EYS: variants seen among roughly 807,000 people sequenced by gnomAD.
EYS encodes EGF-like photoreceptor maintenance factor, also known as protein eyes shut homolog.
EYS carries 250 observed loss-of-function variants against 282.1 expected under a neutral mutation model. That is an observed-to-expected ratio of 0.89 (90% CI 0.80 to 0.98). The LOEUF (loss-of-function observed/expected upper bound fraction) is 0.98, where lower values mean the gene tolerates loss of function less well. Ranked by LOEUF, EYS falls within the 50% of genes least tolerant of loss-of-function variation. The pLI is 0.00. For synonymous variants in EYS, 1,355 were observed against 1,282.9 expected (o/e 1.06, Z -1.20); for missense variants, 4,016 against 3,709.0 (o/e 1.08, Z -2.15).
chr6:64,434,514 T>C (rs148312783), intron 28 of EYS, among the ~76,000 whole-genome samples: 2 of 152,084 alleles, frequency 1.3e-5, no homozygotes, highest in African/African-American at 4.8e-5. Flanking sequence ...ATAACTCTTA[T>C]CTTTACCTGA....
intron 41 of EYS, among the ~76,000 whole-genome samples, chr6:63,756,487 T>C (rs1562011450): frequency 6.6e-6 from 1 of 152,198 alleles, no homozygotes; most frequent in Non-Finnish European, 1.5e-5. Context: ...AACTTGATCA[T>C]GGTGGATAAG....
intron 1 of EYS, among the ~76,000 whole-genome samples, chr6:65,688,070 G>GC (rs1769096364): frequency 2.4e-5 from 3 of 126,760 alleles, no homozygotes; most frequent in Admixed American, 7.9e-5. Flanking sequence ...TCACAGAATT[G>GC]GAAAAAAAAT....
chr6:64,001,793 A>T (rs1178743161), intron 33 of EYS, among the ~76,000 whole-genome samples: 1 of 152,232 alleles, frequency 6.6e-6, no homozygotes, highest in Non-Finnish European at 1.5e-5. Context: ...TTTTAATAAA[A>T]ATATGCATAG....
At chr6:63,860,941 T>A (rs955992322) in intron 36 of EYS, among the ~76,000 whole-genome samples, 1 of 152,182 alleles carries the variant, frequency 6.6e-6, no homozygotes, top group Non-Finnish European at 1.5e-5. Context: ...CTCTTCTTTA[T>A]ATTTCTCTTC....
At chr6:64,766,683 T>TATATATATATATAC (rs1250908125) in intron 22 of EYS, among the ~76,000 whole-genome samples, 1 of 111,318 alleles carries the variant, frequency 9.0e-6, no homozygotes, top group Non-Finnish European at 1.9e-5. Context: ...TATATATATA[T>TATATATATATATAC]AAAATCTAAC....
chr6:63,804,914 A>G (rs868643745), intron 37 of EYS, among the ~76,000 whole-genome samples: 2 of 152,108 alleles, frequency 1.3e-5, no homozygotes, highest in Admixed American at 1.3e-4. Flanking sequence ...GATTCAAACA[A>G]ATTTTGGAGG....
chr6:65,258,375 T>A (rs1477226668), intron 12 of EYS, among the ~76,000 whole-genome samples: 2 of 152,034 alleles, frequency 1.3e-5, no homozygotes, highest in Non-Finnish European at 2.9e-5. Flanking sequence ...ATATAGGTAA[T>A]CTTCTGAGAA....
At chr6:64,782,021 A>G (rs1562188836) in intron 22 of EYS, among the ~76,000 whole-genome samples, 1 of 152,120 alleles carries the variant, frequency 6.6e-6, no homozygotes, top group Non-Finnish European at 1.5e-5. Flanking sequence ...TTGGGCCTCA[A>G]TTTCTTCACC....
chr6:65,493,969 T>C (rs1287011055), intron 4 of EYS, among the ~76,000 whole-genome samples: 1 of 152,202 alleles, frequency 6.6e-6, no homozygotes, highest in Admixed American at 6.5e-5. Context: ...AGATGCATAA[T>C]TTATTTTCAA....
intron 31 of EYS, among the ~76,000 whole-genome samples, chr6:64,129,309 C>T (rs1183128034): frequency 9.2e-5 from 14 of 152,200 alleles, no homozygotes; most frequent in Admixed American, 2.0e-4. Flanking sequence ...TTTTAATGAT[C>T]GTCATTCTAA....
At chr6:63,969,491 G>A (rs1766456642) in intron 35 of EYS, among the ~76,000 whole-genome samples, 1 of 152,182 alleles carries the variant, frequency 6.6e-6, no homozygotes, top group Admixed American at 6.5e-5. Context: ...CTAACAAATA[G>A]GGAGTAAGTA....
chr6:64,769,725 A>C (rs1773466952), intron 22 of EYS, among the ~76,000 whole-genome samples: 1 of 152,040 alleles, frequency 6.6e-6, no homozygotes. Context: ...TTCCTGAAGG[A>C]GATGAAAAAC....
intron 2 of EYS, among the ~76,000 whole-genome samples, chr6:65,570,820 A>G (rs1167943343): frequency 6.6e-6 from 1 of 152,178 alleles, no homozygotes; most frequent in Non-Finnish European, 1.5e-5. Context: ...TTAGAAATAA[A>G]TAGAAGTGAA....
At chr6:64,197,225 C>T (rs1043692011) in intron 31 of EYS, among the ~76,000 whole-genome samples, 19 of 151,994 alleles carry the variant, frequency 1.3e-4, no homozygotes, top group African/African-American at 4.6e-4. Context: ...TTTGTTTTTC[C>T]ATCTACCCTC....
intron 31 of EYS, among the ~76,000 whole-genome samples, chr6:64,099,596 G>T (rs547169604): frequency 1.8e-3 from 268 of 152,152 alleles, no homozygotes; most frequent in African/African-American, 6.1e-3. Flanking sequence ...AATATCTGGT[G>T]ATCGGACACA....
Position 65,495,476 on chromosome 6 carries a change from C to T in EYS, c.-66G>A, listed in dbSNP as rs1029410699. The stretch of plus-strand genomic sequence containing the variant: ...CTGCAAAATGGTGTTTTAAGTATTA[C>T]CGGAAATTTCCAAGTAAAGTTGTGG... On this transcript the variant is annotated 5_prime_UTR_variant, in exon 4 of 43. Transcript: ENST00000503581. The T allele has an allele frequency of 3.2e-6, 5 of 1,542,888 alleles. No individual in the cohort carries two copies. The highest frequency in any genetic ancestry group is 4.4e-6 in the Non-Finnish European group (5 of 1,133,332).
chr6:65,494,700 C>G lies in EYS; in HGVS notation c.711G>C (p.Glu237Asp). ...SCINKRENWD[E>D]QAYECVCHPP... ...GGTGACAGACACATTCATATGCTTGCTCATCCCAATTTTCTCTTTTATTAA... is the reference window on the plus strand; with the variant it reads ...GGTGACAGACACATTCATATGCTTGGTCATCCCAATTTTCTCTTTTATTAA... The change falls in exon 4 of 43, where the codon GAG (glutamate) becomes GAC (aspartate). Residue 237 changes from glutamate to aspartate, a missense_variant. By Grantham distance (45) the Glu-to-Asp change is conservative. Transcript: ENST00000503581. 1 of 1,593,190 alleles carries G rather than the reference C, an allele frequency of 6.3e-7. No homozygotes were observed. Among genetic ancestry groups the G allele is most frequent in the Non-Finnish European group, 8.6e-7 (1 of 1,168,070 alleles).
chr6:65,391,802 C>T (rs1234267643), intron 7 of EYS, among the ~76,000 whole-genome samples: 1 of 145,900 alleles, frequency 6.9e-6, no homozygotes, highest in Non-Finnish European at 1.5e-5. Flanking sequence ...ACTTTCTTTA[C>T]AGAATTGGAA....
At chr6:65,166,295 G>A (rs1370849445) in intron 12 of EYS, among the ~76,000 whole-genome samples, 2 of 151,010 alleles carry the variant, frequency 1.3e-5, no homozygotes, top group Middle Eastern at 3.2e-3. Context: ...TGAAATAGAT[G>A]ATCAAATTTG....
Sources: gnomAD v4.1 joint callset for allele counts (sites outside exome capture counted in the v4.1 genomes callset) on GRCh38, gnomAD v4.1.1 for gene constraint, MANE v1.5 for transcripts, NCBI Gene and HGNC (gene_info 2026-07-23, HGNC 2026-07-21) for gene names.